The following PFKP variants were observed in gnomAD, a reference collection of about 807,000 sequenced individuals.
PFKP encodes the protein ATP-dependent 6-phosphofructokinase, platelet type.
PFKP carries 101 observed loss-of-function variants against 94.3 expected under a neutral mutation model. That is an observed-to-expected ratio of 1.07 (90% CI 0.91 to 1.26). The LOEUF is 1.26. Among genes scored for constraint, PFKP ranks in the 50% most tolerant of loss-of-function variants. The probability of loss-of-function intolerance (pLI) is 0.00; values close to 1 mark genes in which losing one functional copy is unlikely to be tolerated. For missense variants in PFKP, 1,145 were observed against 1,103.3 expected (o/e 1.04, Z -0.53); for synonymous variants, 573 against 432.6 (o/e 1.32, Z -4.03).
chr10:3,083,747 A>T (rs1294805207), intron 2 of PFKP, among the ~76,000 whole-genome samples: 1 of 152,136 alleles, frequency 6.6e-6, no homozygotes, highest in Non-Finnish European at 1.5e-5. Context: ...GATTCAAATG[A>T]TTCTCCTGCA....
At chr10:3,093,414 C>T (rs1219150043) in intron 2 of PFKP, among the ~76,000 whole-genome samples, 1 of 152,224 alleles carries the variant, frequency 6.6e-6, no homozygotes, top group Admixed American at 6.5e-5. Context: ...GAGCACAGCA[C>T]TGTGCAGTTT....
At chr10:3,099,154 A>C (rs1411916555) in intron 2 of PFKP, 121 bp from the exon 3 acceptor site, 2 of 769,940 alleles carry the variant, frequency 2.6e-6, no homozygotes, top group Non-Finnish European at 4.5e-6. Flanking sequence ...CTGTCTTCTG[A>C]CCAGTGGATG....
intron 14 of PFKP, 80 bp from the exon 15 acceptor site, chr10:3,118,702 G>T (rs902518706): frequency 2.1e-6 from 2 of 936,250 alleles, no homozygotes; most frequent in Non-Finnish European, 3.4e-6. Context: ...GAAGGCGGCC[G>T]GGTGGGGACC....
At chr10:3,119,671 C>G (rs1430780774) in intron 15 of PFKP, among the ~76,000 whole-genome samples, 1 of 152,210 alleles carries the variant, frequency 6.6e-6, no homozygotes, top group Non-Finnish European at 1.5e-5. Flanking sequence ...GAGGTTTAGT[C>G]ATCTAACCGA....
intron 4 of PFKP, 64 bp from the exon 5 acceptor site, chr10:3,103,715 G>A (rs1835245992): frequency 6.3e-6 from 10 of 1,577,600 alleles, no homozygotes; most frequent in African/African-American, 2.7e-5. Context: ...CTCACCCCTA[G>A]TGGGGCACCC....
intron 21 of PFKP, among the ~76,000 whole-genome samples, 177 bp from the exon 22 acceptor site, chr10:3,136,273 G>A (rs374935751): frequency 4.9e-4 from 75 of 152,196 alleles, no homozygotes; most frequent in Admixed American, 9.2e-4. Flanking sequence ...CTGGGTCTTC[G>A]GGAATAATTT....
Position 3,109,488 on chromosome 10 carries a change from G to A in PFKP, c.1089+8G>A, listed in dbSNP as rs1183049073. On this transcript the variant is annotated splice_region_variant and intron_variant, in intron 10 of 21. Transcript: ENST00000381125. Reference sequence around the variant, plus strand: ...ATGGAGTGCGTGCAGATGGTGAGTGGGCAGCCCATGGCCAAGGGCAGGGCG... The same window carrying A: ...ATGGAGTGCGTGCAGATGGTGAGTGAGCAGCCCATGGCCAAGGGCAGGGCG... The A allele has an allele frequency of 6.2e-7, 1 of 1,601,922 alleles. No individual in the cohort carries two copies. The highest frequency in any genetic ancestry group is 8.5e-7 in the Non-Finnish European group (1 of 1,179,466).
Position 3,073,224 on chromosome 10 carries a change from G to C in PFKP, c.112+5517G>C, listed in dbSNP as rs115427050. Among the ~76,000 whole-genome samples, 1,128 of 151,954 alleles carry C rather than the reference G, an allele frequency of 7.4e-3. 20 individuals are homozygous for C. Among genetic ancestry groups the C allele is most frequent in the African/African-American group, 0.026 (1,094 of 41,400 alleles). ...GCTGAGTGCTGAGTGCTGAGATAGG[G>C]TCTTGATGTTTTCCTCTGCAGAATG... On this transcript the variant is annotated intron_variant, in intron 1 of 21. Coordinates refer to ENST00000381125, the MANE Select transcript of PFKP (RefSeq NM_002627.5).
chr10:3,094,260 A>C lies in PFKP; in HGVS notation c.187-5015A>C, dbSNP rs373620541. Among the ~76,000 whole-genome samples, 190 of 152,314 alleles carry C rather than the reference A, an allele frequency of 1.2e-3. 1 individual carries two copies. The highest frequency in any genetic ancestry group is 4.0e-3 in the African/African-American group (165 of 41,566). On this transcript the variant is annotated intron_variant, in intron 2 of 21. Coordinates refer to ENST00000381125, the MANE Select transcript of PFKP (RefSeq NM_002627.5). Reference sequence around the variant, plus strand: ...GCTGGGGCTGTTGGTTGTACAACTTACCGGAATTGTGCACTCTTAGCTTTG... The same window carrying C: ...GCTGGGGCTGTTGGTTGTACAACTTCCCGGAATTGTGCACTCTTAGCTTTG...
rs185607879 is a variant in PFKP at position 3,133,449 on chromosome 10, G to A, written c.2022+135G>A. On this transcript the variant is annotated intron_variant, in intron 19 of 21. Transcript: ENST00000381125. ...ATGATAAAAAACATCTGAACTTTTT[G>A]AGACAGAGTCTTGCTCTGTTGCCCA... The A allele has an allele frequency of 1.0e-3, 692 of 667,438 alleles. 1 individual carries two copies. In the African/African-American group the frequency reaches 0.012, roughly 11 times the overall value. 41.3% of individuals were successfully genotyped at this position (667,438 alleles called of 1,614,324 possible). A position where few individuals can be genotyped will look rare whatever the true frequency, so the allele number is the denominator to read the frequency against.
intron 1 of PFKP, among the ~76,000 whole-genome samples, chr10:3,072,815 A>G (rs536753640): frequency 6.6e-6 from 1 of 152,102 alleles, no homozygotes; most frequent in African/African-American, 2.4e-5. Flanking sequence ...TAGAAAGGTG[A>G]AGATACGGTA....
chr10:3,130,095 T>C, intron 17 of PFKP, 112 bp downstream of exon 17: 1 of 971,638 alleles, frequency 1.0e-6, no homozygotes, highest in Non-Finnish European at 1.5e-6. Context: ...GAGATGGAGA[T>C]GCTACAGAAC....
At chr10:3,134,699 A>G in intron 20 of PFKP, 117 bp downstream of exon 20, 4 of 659,616 alleles carry the variant, frequency 6.1e-6, no homozygotes, top group Non-Finnish European at 1.1e-5. Flanking sequence ...TTCAGTACTG[A>G]GCTGCACGTG....
chr10:3,107,251 T>A lies in PFKP; in HGVS notation c.812T>A (p.Val271Glu). The change falls in exon 8 of 22, where the codon GTG (valine) becomes GAG (glutamate). Residue 271 changes from valine (V) to glutamate (E), a missense_variant. Val to Glu is a moderately radical substitution (Grantham distance 121). Transcript: ENST00000381125. ...AAAAAAAGGCTGAATATTATTATTG[T>A]GGCTGAAGGAGCAATTGATACCCAA... ...ARKKRLNIII[V>E]AEGAIDTQNK... 2 of 1,612,580 alleles carry A rather than the reference T, an allele frequency of 1.2e-6. No individual in the cohort carries two copies. Among genetic ancestry groups the A allele is most frequent in the Non-Finnish European group, 1.7e-6 (2 of 1,179,084 alleles).
At chr10:3,076,032 A>T (rs1209353714) in intron 1 of PFKP, among the ~76,000 whole-genome samples, 5 of 140,904 alleles carry the variant, frequency 3.5e-5, no homozygotes, top group Admixed American at 7.4e-5. Flanking sequence ...AAAAAAAAAA[A>T]AAAAAAAAGT....
chr10:3,073,642 CAG>C (rs986911711), intron 1 of PFKP, among the ~76,000 whole-genome samples: 7 of 151,124 alleles, frequency 4.6e-5, no homozygotes, highest in African/African-American at 1.5e-4. Context: ...AGGATTTTGA[CAG>C]AGAAGATTCA....
intron 5 of PFKP, 86 bp downstream of exon 5, chr10:3,104,030 T>C: frequency 7.8e-7 from 1 of 1,283,328 alleles, no homozygotes. Context: ...TAGAACATTC[T>C]GCAGATTGGG....
chr10:3,107,472 C>T (rs184403914), intron 8 of PFKP, among the ~76,000 whole-genome samples, 163 bp downstream of exon 8: 4 of 152,206 alleles, frequency 2.6e-5, no homozygotes, highest in Non-Finnish European at 5.9e-5. Context: ...AGGGGAAACA[C>T]GCAGCTCCCG....
In PFKP at chr10:3,107,744, A is replaced by C. The variant is rs1345980776; in HGVS notation, c.870+435A>C. The C allele has an allele frequency of 5.8e-6, 4 of 688,732 alleles. No individual in the cohort carries two copies. In the African/African-American group the frequency reaches 2.6e-4, roughly 44 times the overall value. 42.7% of individuals were successfully genotyped at this position (688,732 alleles called of 1,614,324 possible). A position where few individuals can be genotyped will look rare whatever the true frequency, so the allele number is the denominator to read the frequency against. On this transcript the variant is annotated intron_variant, in intron 8 of 21. Coordinates refer to ENST00000381125, the MANE Select transcript of PFKP (RefSeq NM_002627.5). ...ATAACCCAGAGCATCAGCTGAGCAC[A>C]TTCTTACAAAGCCACTGTGTCCTCG...
Sources: allele counts gnomAD v4.1 joint callset (sites outside exome capture counted in the v4.1 genomes callset), GRCh38; gene constraint gnomAD v4.1.1; transcripts MANE v1.5; gene names NCBI Gene and HGNC (gene_info 2026-07-23, HGNC 2026-07-21).